Variants in SP100 observed in about 807,000 individuals in gnomAD.
SP100 encodes the protein SP100 nuclear body protein, also known as nuclear autoantigen Sp-100.
In SP100, 84 loss-of-function variants were observed where a neutral mutation model predicts 130.0. That is an observed-to-expected ratio of 0.65 (90% CI 0.54 to 0.77). The LOEUF (loss-of-function observed/expected upper bound fraction) is 0.77. SP100 is among the 30% of genes least tolerant of loss of function. SP100 has a pLI of 0.00. For synonymous variants in SP100, 331 were observed against 351.7 expected, an observed-to-expected ratio of 0.94 and a Z score of 0.66; for missense variants, 978 against 1,052.2, an observed-to-expected ratio of 0.93 and a Z score of 0.97.
chr2:230,452,746 G>A (rs2064061014), intron 8 of SP100, among the ~76,000 whole-genome samples: 1 of 150,840 alleles, frequency 6.6e-6, no homozygotes, highest in Non-Finnish European at 1.5e-5. Context: ...TTAGTGCATA[G>A]AAATGCAACT....
In SP100 at chr2:230,540,918, G is replaced by A; in HGVS notation, c.2253G>A (p.Gln751=). 6.2e-7 allele frequency: 1 copy of A among 1,613,792 alleles called. No homozygotes were observed. The highest frequency in any genetic ancestry group is 8.5e-7 in the Non-Finnish European group (1 of 1,179,770). The change falls in exon 26 of 29, where the codon CAG becomes CAA. Residue 751 remains glutamine (Q), a synonymous_variant. Coordinates refer to ENST00000340126, the MANE Select transcript of SP100 (RefSeq NM_001080391.2). Reference sequence around the variant, plus strand: ...TCTTCTGCAGGATAAAGACTATTCAGGAAAGATGCCCAGAAAGCCAATCAG... The same window carrying A: ...TCTTCTGCAGGATAAAGACTATTCAAGAAAGATGCCCAGAAAGCCAATCAG... ...SCIFCRIKTI[Q]ERCPESQSGH...
chr2:230,457,639 C>T (rs1402716644), intron 8 of SP100, among the ~76,000 whole-genome samples: 1 of 152,180 alleles, frequency 6.6e-6, no homozygotes, highest in Non-Finnish European at 1.5e-5. Flanking sequence ...GGGAAGATGA[C>T]ACAGTGAAAC....
chr2:230,461,553 C>T lies in SP100; in HGVS notation c.973+139C>T, dbSNP rs927318767. The T allele has an allele frequency of 5.3e-6, 4 of 761,482 alleles. No homozygotes were observed. In the Admixed American group the frequency reaches 9.8e-5, roughly 19 times the overall value. 47.2% of individuals were successfully genotyped at this position (761,482 alleles called of 1,614,324 possible). A position where few individuals can be genotyped will look rare whatever the true frequency, so the allele number is the denominator to read the frequency against. On this transcript the variant is annotated intron_variant, in intron 9 of 28. Transcript: ENST00000340126. ...AAGGGAAAGGGGCTGGCACCTGATG[C>T]AGTGAGTCTTCAGCTTGACAGAAGA...
intron 28 of SP100, 148 bp from the exon 29 acceptor site, chr2:230,542,688 A>G: frequency 2.0e-6 from 1 of 494,308 alleles, no homozygotes. Context: ...ATAAATAATT[A>G]AATTATCAAG....
chr2:230,531,998 T>A (rs1388956004), intron 24 of SP100, among the ~76,000 whole-genome samples: 2 of 152,176 alleles, frequency 1.3e-5, no homozygotes, highest in African/African-American at 2.4e-5. Context: ...TGAATTTATG[T>A]TTTTTAGTTT....
chr2:230,475,387 T>C (rs766344435), intron 17 of SP100, among the ~76,000 whole-genome samples: 55 of 152,348 alleles, frequency 3.6e-4, no homozygotes, highest in Middle Eastern at 3.4e-3. Context: ...AATTGGATTT[T>C]GTTTTTTGCT....
chr2:230,428,287 G>T (rs2062996485), intron 2 of SP100, among the ~76,000 whole-genome samples: 2 of 152,126 alleles, frequency 1.3e-5, no homozygotes, highest in African/African-American at 4.8e-5. Flanking sequence ...AATTTATAAA[G>T]AAAAGAGGTT....
intron 21 of SP100, among the ~76,000 whole-genome samples, chr2:230,504,673 C>G (rs1303574703): frequency 6.6e-6 from 1 of 152,188 alleles, no homozygotes; most frequent in Non-Finnish European, 1.5e-5. Context: ...TTACCAGTCA[C>G]ATAGGTGCCC....
At chr2:230,474,288 GA>G in intron 16 of SP100, 105 bp from the exon 17 acceptor site, 1 of 677,212 alleles carries the variant, frequency 1.5e-6, no homozygotes, top group Non-Finnish European at 2.6e-6. Context: ...ATTATACTCA[GA>G]ATATTGTTAT....
intron 17 of SP100, among the ~76,000 whole-genome samples, chr2:230,492,766 CA>C (rs1360424938): frequency 1.1e-4 from 16 of 152,184 alleles, no homozygotes; most frequent in Admixed American, 7.9e-4. Context: ...GTAATTTTCA[CA>C]ATAAGGACTC....
chr2:230,542,048 C>T lies in SP100; in HGVS notation c.2547+13C>T, dbSNP rs201365174. The stretch of plus-strand genomic sequence containing the variant: ...GGAATTTTACAGGGTGAGTGGCTCT[C>T]CCTGCTTCCTTTTCTCTTTCAATTA... On this transcript the variant is annotated intron_variant, in intron 28 of 28. Transcript: ENST00000340126. 2.5e-6 allele frequency: 4 copies of T among 1,613,134 alleles called. No homozygotes were observed. Among genetic ancestry groups the T allele is most frequent in the Non-Finnish European group, 3.4e-6 (4 of 1,179,496 alleles).
At chr2:230,538,094 CCAA>C in intron 24 of SP100, 1 of 152,316 alleles carries the variant, frequency 6.6e-6, no homozygotes, top group South Asian at 2.1e-4. Context: ...TGCCTATACA[CCAA>C]CCCAGACTAA....
At chr2:230,521,583 AT>A (rs1433269467) in intron 24 of SP100, among the ~76,000 whole-genome samples, 8 of 152,320 alleles carry the variant, frequency 5.3e-5, no homozygotes, top group Admixed American at 6.5e-5. Context: ...GCAGCACCTG[AT>A]TAAAGCCTTC....
At chr2:230,508,393 G>A in intron 23 of SP100, 1 of 162,184 alleles carries the variant, frequency 6.2e-6, no homozygotes. Flanking sequence ...TAGGCTCACT[G>A]CAACCTTCAC....
chr2:230,471,252 G>A (rs1230135317), intron 15 of SP100, among the ~76,000 whole-genome samples: 1 of 152,208 alleles, frequency 6.6e-6, no homozygotes, highest in Non-Finnish European at 1.5e-5. Flanking sequence ...GCAATGGGCA[G>A]AAAAATGAGA....
chr2:230,487,805 T>A (rs1218891188), intron 17 of SP100, among the ~76,000 whole-genome samples: 1 of 152,264 alleles, frequency 6.6e-6, no homozygotes, highest in Non-Finnish European at 1.5e-5. Context: ...TATTGATTCT[T>A]CCTATCCATA....
intron 20 of SP100, 79 bp from the exon 21 acceptor site, chr2:230,504,107 A>G (rs902732208): frequency 1.5e-5 from 11 of 718,020 alleles, no homozygotes; most frequent in Admixed American, 5.0e-5. Context: ...TTATAAAAGA[A>G]AGCTCTCAAG....
chr2:230,435,115 A>T (rs1439532645), intron 2 of SP100, among the ~76,000 whole-genome samples: 2 of 152,234 alleles, frequency 1.3e-5, no homozygotes, highest in Non-Finnish European at 2.9e-5. Context: ...GTAGTAATTC[A>T]TGCTTACACC....
intron 26 of SP100, 96 bp downstream of exon 26, chr2:230,541,092 G>T: frequency 6.9e-7 from 1 of 1,451,644 alleles, no homozygotes; most frequent in East Asian, 2.3e-5. Flanking sequence ...GAGCCCAAAA[G>T]CAAACTGCTG....
Sources: allele counts gnomAD v4.1 joint callset (sites outside exome capture counted in the v4.1 genomes callset), GRCh38; gene constraint gnomAD v4.1.1; transcripts MANE v1.5; gene names NCBI Gene and HGNC (gene_info 2026-07-23, HGNC 2026-07-21).